The following GAL3ST1 variants were observed in gnomAD, a reference collection of about 807,000 sequenced individuals.
The protein encoded by GAL3ST1 is galactosylceramide sulfotransferase.
A neutral mutation model predicts 25.0 loss-of-function variants in GAL3ST1; 13 were observed. The ratio of observed to expected loss-of-function variants is 0.52; its 90% CI spans 0.34 to 0.83. The LOEUF (loss-of-function observed/expected upper bound fraction) is 0.83. GAL3ST1 is among the 40% of genes least tolerant of loss of function. The pLI, the probability that GAL3ST1 is intolerant of heterozygous loss-of-function variation, is 0.02. For synonymous variants in GAL3ST1, 274 were observed against 277.8 expected (o/e 0.99, Z 0.14); for missense variants, 474 against 613.6 (o/e 0.77, Z 2.40).
chr22:30,563,910 C>G (rs1377287214), intron 1 of GAL3ST1, among the ~76,000 whole-genome samples: 1 of 103,072 alleles, frequency 9.7e-6, no homozygotes. Context: ...AGCGAGACCC[C>G]GTCTCAAAAA....
intron 1 of GAL3ST1, among the ~76,000 whole-genome samples, chr22:30,568,390 T>C (rs2086686519): frequency 6.6e-6 from 1 of 152,192 alleles, no homozygotes; most frequent in Non-Finnish European, 1.5e-5. Context: ...GAATGCCAGC[T>C]GATGAGGTTA....
At chr22:30,563,757 C>CA (rs35696153) in intron 1 of GAL3ST1, among the ~76,000 whole-genome samples, 9 of 149,738 alleles carry the variant, frequency 6.0e-5, no homozygotes, top group South Asian at 2.1e-4. Context: ...ACTAAAAATA[C>CA]AAAAAAAAAT....
chr22:30,567,055 C>T (rs2086646609), intron 1 of GAL3ST1, among the ~76,000 whole-genome samples: 1 of 151,996 alleles, frequency 6.6e-6, no homozygotes, highest in Non-Finnish European at 1.5e-5. Context: ...CCCTTGGGTT[C>T]AAGCAATTCT....
chr22:30,555,930 C>T lies in GAL3ST1; in HGVS notation c.295G>A (p.Gly99Ser). 2 of 1,614,122 alleles carry T rather than the reference C, an allele frequency of 1.2e-6. No individual in the cohort carries two copies. Among genetic ancestry groups the T allele is most frequent in the Non-Finnish European group, 8.5e-7 (1 of 1,180,028 alleles). ...GCGAACTTGAGCCGGTGCTTCTGGC[C>T]GAAGCGGAACAGGATGTTGAGCAGG... ...STLLNILFRF[G>S]QKHRLKFAFP... Residue 99 changes from glycine to serine, a missense_variant, in exon 4 of 4, where the codon GGC (glycine) becomes AGC (serine). Physicochemically the swap from Gly to Ser is moderately conservative, Grantham distance 56. Coordinates refer to ENST00000406361, the MANE Select transcript of GAL3ST1 (RefSeq NM_001318104.2). This position sits in a 1 kb window ranked among gnomAD's most constrained non-coding sequence, Gnocchi z 8.6.
intron 1 of GAL3ST1, among the ~76,000 whole-genome samples, chr22:30,561,741 C>G (rs2086419258): frequency 6.6e-6 from 1 of 152,168 alleles, no homozygotes; most frequent in African/African-American, 2.4e-5. Context: ...GTGGGCTGAG[C>G]CTGCGGCCAG....
In GAL3ST1 at chr22:30,556,030, G is replaced by A. The variant is rs2086000692; in HGVS notation, c.195C>T (p.Ala65=). 1 of 1,612,954 alleles carries A rather than the reference G, an allele frequency of 6.2e-7. No homozygotes were observed. Among genetic ancestry groups the A allele is most frequent in the Non-Finnish European group, 8.5e-7 (1 of 1,179,936 alleles). Residue 65 remains alanine, a synonymous_variant, in exon 4 of 4, where the codon GCC becomes GCT. Transcript: ENST00000406361. Reference sequence around the variant, plus strand: ...GCTGGCACTCCCCCGCCGAGCCGTTGGCCCGGATCACTGCCTCTGGCTCGA... The same window carrying A: ...GCTGGCACTCCCCCGCCGAGCCGTTAGCCCGGATCACTGCCTCTGGCTCGA... The part of the protein sequence containing the change: ...PALEPEAVIR[A]NGSAGECQPR...
intron 3 of GAL3ST1, 120 bp from the exon 4 acceptor site, chr22:30,556,213 C>G (rs1244822254): frequency 1.2e-6 from 1 of 802,052 alleles, no homozygotes; most frequent in Non-Finnish European, 1.9e-6. Context: ...ATAGTGAGAC[C>G]TGTGGGGCCT....
chr22:30,568,353 T>C (rs1364241986), intron 1 of GAL3ST1, among the ~76,000 whole-genome samples: 1 of 152,182 alleles, frequency 6.6e-6, no homozygotes, highest in Non-Finnish European at 1.5e-5. Context: ...CTCACATAAC[T>C]GGGTCCTGGC....
At chr22:30,568,103 C>T (rs1473250791) in intron 1 of GAL3ST1, among the ~76,000 whole-genome samples, 1 of 152,210 alleles carries the variant, frequency 6.6e-6, no homozygotes, top group Non-Finnish European at 1.5e-5. Context: ...TGGGGAGACA[C>T]AGGAACACAC....
chr22:30,571,422 C>A (rs1456176140), intron 1 of GAL3ST1, among the ~76,000 whole-genome samples: 1 of 152,210 alleles, frequency 6.6e-6, no homozygotes, highest in Non-Finnish European at 1.5e-5. Context: ...TCCAAAATGT[C>A]AGCCCAGACA....
intron 2 of GAL3ST1, among the ~76,000 whole-genome samples, chr22:30,557,901 GTTATTTTT>G (rs1341453178): frequency 1.3e-5 from 2 of 150,674 alleles, no homozygotes; most frequent in African/African-American, 4.9e-5. Context: ...AGATCCTGAA[GTTATTTTT>G]TATACCTTTT....
At chr22:30,557,589 T>A in intron 2 of GAL3ST1, 188 bp from the exon 3 acceptor site, 1 of 564,846 alleles carries the variant, frequency 1.8e-6, no homozygotes, top group South Asian at 2.7e-5. Flanking sequence ...AGCCCCAGGG[T>A]TGCAGAGACG....
Position 30,559,334 on chromosome 22 carries a change from C to G in GAL3ST1, c.-119-946G>C, listed in dbSNP as rs42928. Among the ~76,000 whole-genome samples, 167 of 151,896 alleles carry G rather than the reference C, an allele frequency of 1.1e-3. 2 individuals are homozygous for G. The highest frequency in any genetic ancestry group is 3.9e-3 in the African/African-American group (162 of 41,456). ...CGGCTCCCTGCAACCTTTGACTCCC[C>G]GGTTCAAGCGATTCTCCTGCCTCAG... is the stretch of plus-strand genomic sequence containing the variant. On this transcript the variant is annotated intron_variant, in intron 1 of 3. Coordinates refer to ENST00000406361, the MANE Select transcript of GAL3ST1 (RefSeq NM_001318104.2).
intron 1 of GAL3ST1, among the ~76,000 whole-genome samples, chr22:30,569,115 T>C (rs2086708084): frequency 6.7e-6 from 1 of 149,964 alleles, no homozygotes; most frequent in Non-Finnish European, 1.5e-5. Flanking sequence ...TGCAGGGCTT[T>C]CAGGAAGCAT....
At chr22:30,572,245 C>A (rs2086805348) in intron 1 of GAL3ST1, among the ~76,000 whole-genome samples, 1 of 152,194 alleles carries the variant, frequency 6.6e-6, no homozygotes, top group African/African-American at 2.4e-5. Context: ...TTTAAGGATT[C>A]TTATGCGCTT....
At chr22:30,564,592 G>C (rs1411541772) in intron 1 of GAL3ST1, among the ~76,000 whole-genome samples, 3 of 152,192 alleles carry the variant, frequency 2.0e-5, no homozygotes, top group Non-Finnish European at 4.4e-5. Context: ...ACATTGGCCT[G>C]CATCAGTGCA....
At chr22:30,569,429 C>T (rs1480717300) in intron 1 of GAL3ST1, among the ~76,000 whole-genome samples, 1 of 151,978 alleles carries the variant, frequency 6.6e-6, no homozygotes, top group Non-Finnish European at 1.5e-5. Flanking sequence ...GACTGGCTGG[C>T]TGGAGGTAGA....
In GAL3ST1 at chr22:30,555,355, C is replaced by G. The variant is rs772337286; in HGVS notation, c.870G>C (p.Ser290=). 10 of 1,608,064 alleles carry G rather than the reference C, an allele frequency of 6.2e-6. No individual in the cohort carries two copies. Among genetic ancestry groups the G allele is most frequent in the African/African-American group, 1.3e-5 (1 of 75,066 alleles). ...CGGTGGCGCGCCCATACAGCTCCCCCGAGAGCCGCGGCACGGGCGAGTCGC... is the reference window on the plus strand; with the variant it reads ...CGGTGGCGCGCCCATACAGCTCCCCGGAGAGCCGCGGCACGGGCGAGTCGC... The part of the protein sequence containing the change: ...ARRDSPVPRL[S]GELYGRATAW... Residue 290 remains serine (S), a synonymous_variant, in exon 4 of 4, where the codon TCG becomes TCC. Coordinates refer to ENST00000406361, the MANE Select transcript of GAL3ST1 (RefSeq NM_001318104.2). The surrounding 1 kb of genome is among the most constrained non-coding windows in gnomAD (Gnocchi z 8.6).
chr22:30,560,835 A>G (rs1238561468), intron 1 of GAL3ST1: 2 of 152,226 alleles, frequency 1.3e-5, no homozygotes, highest in Admixed American at 6.6e-5. Flanking sequence ...TGCCCCGCCA[A>G]TCAGGCTCCA....
Sources: gnomAD v4.1 joint callset for allele counts (sites outside exome capture counted in the v4.1 genomes callset) on GRCh38, gnomAD v4.1.1 for gene constraint, Gnocchi (gnomAD v3.1) non-coding constraint, MANE v1.5 for transcripts, NCBI Gene and HGNC (gene_info 2026-07-23, HGNC 2026-07-21) for gene names.